LRRC37A2: variants seen among roughly 807,000 people sequenced by gnomAD.
The protein encoded by LRRC37A2 is leucine-rich repeat-containing protein 37A2.
Under a neutral mutation model 68.8 loss-of-function variants are expected in LRRC37A2, and 9 were observed. The observed-to-expected ratio is 0.13, with a 90% confidence interval of 0.08 to 0.23. The LOEUF is 0.23. LRRC37A2 is among the 10% of genes least tolerant of loss of function. The probability of loss-of-function intolerance (pLI) is 1.00; values close to 1 mark genes in which losing one functional copy is unlikely to be tolerated. For missense variants in LRRC37A2, 168 were observed against 950.4 expected, an observed-to-expected ratio of 0.18 and a Z score of 10.82; for synonymous variants, 63 against 367.6, an observed-to-expected ratio of 0.17 and a Z score of 9.48.
At chr17:46,904,388 G>T in the LRRC37A2 span, among the ~76,000 whole-genome samples, 4 of 151,388 alleles carry the variant, frequency 2.6e-5, no homozygotes, top group Non-Finnish European at 4.4e-5. Context: ...CTGACTGGCT[G>T]GCTGGATAAA....
At chr17:46,793,595 G>A in the LRRC37A2 span, among the ~76,000 whole-genome samples, 1 of 152,210 alleles carries the variant, frequency 6.6e-6, no homozygotes, top group African/African-American at 2.4e-5. Context: ...AGGCATTTGT[G>A]TGTGAGACAG....
chr17:46,735,701 T>G, the LRRC37A2 span, among the ~76,000 whole-genome samples: 5 of 152,122 alleles, frequency 3.3e-5, no homozygotes, highest in Non-Finnish European at 5.9e-5. Context: ...TCCCAGCACT[T>G]TGGGAGGCTG....
At chr17:46,936,543 T>C in the LRRC37A2 span, 1 of 985,496 alleles carries the variant, frequency 1.0e-6, no homozygotes, top group Non-Finnish European at 1.2e-6. Context: ...TCCGTCGGGA[T>C]TTTCCACCTA....
chr17:46,979,493 C>T, the LRRC37A2 span, among the ~76,000 whole-genome samples: 33 of 152,216 alleles, frequency 2.2e-4, no homozygotes, highest in African/African-American at 7.7e-4. Flanking sequence ...GAAAACCTCT[C>T]CAAGGTGCCC....
chr17:46,534,896 C>A (rs1416530175), intron 6 of LRRC37A2, among the ~76,000 whole-genome samples: 1 of 149,674 alleles, frequency 6.7e-6, no homozygotes, highest in Admixed American at 6.6e-5. Flanking sequence ...GACGGGGCGG[C>A]TGCTGGGCGG....
chr17:46,978,683 A>G, the LRRC37A2 span: 1 of 1,610,640 alleles, frequency 6.2e-7, no homozygotes, highest in Admixed American at 1.7e-5. Context: ...ACGTCCTTGG[A>G]GGGCCGGCGC....
At chr17:46,903,487 C>T in the LRRC37A2 span, among the ~76,000 whole-genome samples, 1 of 152,076 alleles carries the variant, frequency 6.6e-6, no homozygotes, top group Non-Finnish European at 1.5e-5. Flanking sequence ...TCCAGAGGTT[C>T]CCTACCTCTG....
chr17:46,489,647 G>A, the LRRC37A2 span, among the ~76,000 whole-genome samples: 12 of 147,224 alleles, frequency 8.2e-5, no homozygotes, highest in Admixed American at 6.1e-4. Context: ...CACCATACCC[G>A]GCTTATTTTT....
At chr17:47,005,272 T>G in the LRRC37A2 span, among the ~76,000 whole-genome samples, 4 of 152,246 alleles carry the variant, frequency 2.6e-5, no homozygotes, top group African/African-American at 7.2e-5. Flanking sequence ...TTTTTGGTTT[T>G]GGTTTTTAGT....
the LRRC37A2 span, among the ~76,000 whole-genome samples, chr17:46,491,289 T>C: frequency 4.0e-5 from 6 of 150,666 alleles, no homozygotes; most frequent in Non-Finnish European, 7.4e-5. Flanking sequence ...ATTTAATCTT[T>C]AATTTGTCTA....
At chr17:46,762,120 G>A in the LRRC37A2 span, among the ~76,000 whole-genome samples, 1 of 152,230 alleles carries the variant, frequency 6.6e-6, no homozygotes, top group African/African-American at 2.4e-5. Flanking sequence ...ATTAAATGGA[G>A]TTGAAAACGT....
the LRRC37A2 span, among the ~76,000 whole-genome samples, chr17:46,719,860 A>G: frequency 1.3e-5 from 2 of 152,230 alleles, no homozygotes; most frequent in African/African-American, 4.8e-5. This position sits in a 1 kb window ranked among gnomAD's most constrained non-coding sequence, Gnocchi z 4.3. Context: ...AATTGTTTGA[A>G]CAAAATTAAG....
At chr17:46,766,540 CCA>C in the LRRC37A2 span, among the ~76,000 whole-genome samples, 1 of 152,192 alleles carries the variant, frequency 6.6e-6, no homozygotes, top group East Asian at 1.9e-4. Flanking sequence ...CTCCCACTCC[CCA>C]CACTGCTTTT....
chr17:46,970,055 A>C, the LRRC37A2 span, among the ~76,000 whole-genome samples: 1 of 152,186 alleles, frequency 6.6e-6, no homozygotes, highest in African/African-American at 2.4e-5. Flanking sequence ...CTCATCTGTA[A>C]AATGACGATC....
chr17:46,862,456 G>A, the LRRC37A2 span, among the ~76,000 whole-genome samples: 1 of 152,098 alleles, frequency 6.6e-6, no homozygotes, highest in Non-Finnish European at 1.5e-5. Flanking sequence ...CACCACAATT[G>A]TTAAAAAAAC....
the LRRC37A2 span, among the ~76,000 whole-genome samples, chr17:46,759,196 C>G: frequency 6.6e-6 from 1 of 152,132 alleles, no homozygotes; most frequent in Non-Finnish European, 1.5e-5. Flanking sequence ...GAGCAAAACT[C>G]TTGTCTCGAA....
chr17:46,748,781 G>A, the LRRC37A2 span, among the ~76,000 whole-genome samples: 2 of 152,296 alleles, frequency 1.3e-5, no homozygotes, highest in South Asian at 4.1e-4. Context: ...GATTGTTTTA[G>A]AGACAAACTT....
At chr17:46,882,017 G>T in the LRRC37A2 span, among the ~76,000 whole-genome samples, 1 of 152,144 alleles carries the variant, frequency 6.6e-6, no homozygotes, top group East Asian at 1.9e-4. Flanking sequence ...TTCTGGCCAG[G>T]CACAGGTTCA....
the LRRC37A2 span, among the ~76,000 whole-genome samples, chr17:46,982,739 G>A: frequency 2.0e-5 from 3 of 152,316 alleles, no homozygotes; most frequent in South Asian, 2.1e-4. Context: ...GAGCAGGAAG[G>A]GGGAGAGAGA....
Sources: allele counts gnomAD v4.1 joint callset (sites outside exome capture counted in the v4.1 genomes callset), GRCh38; gene constraint gnomAD v4.1.1; non-coding constraint Gnocchi (gnomAD v3.1); transcripts MANE v1.5; gene names NCBI Gene and HGNC (gene_info 2026-07-23, HGNC 2026-07-21).